HMGCS2: variants seen among roughly 807,000 people sequenced by gnomAD.
HMGCS2 encodes hydroxymethylglutaryl-CoA synthase, mitochondrial.
In HMGCS2, 50 loss-of-function variants were observed where a neutral mutation model predicts 57.4. The observed-to-expected ratio is 0.87, with a 90% CI of 0.69 to 1.10. The LOEUF (loss-of-function observed/expected upper bound fraction) is 1.10, where lower values mean the gene tolerates loss of function less well. HMGCS2 is among the 50% of genes least tolerant of loss of function. HMGCS2 has a pLI of 0.00. For missense variants in HMGCS2, 627 were observed against 636.5 expected (o/e 0.99, Z 0.16); for synonymous variants, 254 against 245.1 (o/e 1.04, Z -0.34).
chr1:119,764,220 C>A lies in HMGCS2; in HGVS notation c.511G>T (p.Ala171Ser). The change falls in exon 2 of 10, where the codon GCC becomes TCC. Residue 171 changes from alanine to serine, a missense_variant. Physicochemically the swap from Ala to Ser is moderately conservative, Grantham distance 99 (BLOSUM62 1). Coordinates refer to ENST00000369406, the MANE Select transcript of HMGCS2 (RefSeq NM_005518.4). Reference protein sequence around the residue: ...DTTNACYGGTASLFNAANWME... With the variant: ...DTTNACYGGTSSLFNAANWME... ...CAGTTGGCAGCATTGAAGAGGGAGG[C>A]AGTACCACCGTAGCAGGCATTGGTG... 1.2e-6 allele frequency: 2 copies of A among 1,613,952 alleles called. No homozygotes were observed. Among genetic ancestry groups the A allele is most frequent in the Non-Finnish European group, 1.7e-6 (2 of 1,180,042 alleles).
chr1:119,750,587 T>G (rs978640299), intron 9 of HMGCS2, among the ~76,000 whole-genome samples: 5 of 152,204 alleles, frequency 3.3e-5, no homozygotes, highest in African/African-American at 4.8e-5. Context: ...CTGGCCTGGT[T>G]AATGTTCCCA....
chr1:119,757,382 G>A lies in HMGCS2; in HGVS notation c.907C>T (p.Pro303Ser), dbSNP rs1359922140. Residue 303 changes from proline to serine, a missense_variant, in exon 5 of 10, where the codon CCC (proline) becomes TCC (serine). Transcript: ENST00000369406. ...DDLQYMIFHT[P>S]FCKMVQKSLA... ...GACTTCTGGACCATCTTGCAAAAGG[G>A]TGTATGAAAGATCATGTACTGTAAA... 6.2e-7 allele frequency: 1 copy of A among 1,614,066 alleles called. No individual in the cohort carries two copies. Among genetic ancestry groups the A allele is most frequent in the African/African-American group, 1.3e-5 (1 of 74,926 alleles).
At position 119,750,320 on chromosome 1, in the gene HMGCS2, T is replaced by C. The variant is rs587596193; in HGVS notation, c.*5+477A>G. Among the ~76,000 whole-genome samples, 119 of 152,348 alleles carry C rather than the reference T, an allele frequency of 7.8e-4. 1 individual carries two copies. Among genetic ancestry groups the C allele is most frequent in the Non-Finnish European group, 1.4e-3 (98 of 68,032 alleles). The stretch of plus-strand genomic sequence containing the variant: ...TGTTGATCTCATCCCCCTGGAGTAA[T>C]GATTTCTATAGGTTCAGGTTCACAG... On this transcript the variant is annotated intron_variant, in intron 9 of 9. Coordinates refer to ENST00000369406, the MANE Select transcript of HMGCS2 (RefSeq NM_005518.4).
At position 119,768,766 on chromosome 1, in the gene HMGCS2, G is replaced by A. The variant is rs376238143; in HGVS notation, c.79C>T (p.Arg27Cys). Residue 27 changes from arginine to cysteine, a missense_variant, in exon 1 of 10, where the codon CGC becomes TGC. By Grantham distance (180) the Arg-to-Cys change is radical. Transcript: ENST00000369406. ...AVQETSLTPARLLPVAHQRFS... is the reference protein window; with the variant it reads ...AVQETSLTPACLLPVAHQRFS... ...CTTTGGTGGGCTACTGGGAGCAGGC[G>A]AGCAGGTGTGAGGGAGGTTTCCTGC... is the stretch of plus-strand genomic sequence containing the variant. 5.6e-5 allele frequency: 91 copies of A among 1,613,832 alleles called. No homozygotes were observed. Among genetic ancestry groups the A allele is most frequent in the Middle Eastern group, 3.3e-4 (2 of 6,058 alleles).
intron 6 of HMGCS2, among the ~76,000 whole-genome samples, chr1:119,754,004 G>C (rs1652749370): frequency 6.6e-6 from 1 of 151,272 alleles, no homozygotes; most frequent in Non-Finnish European, 1.5e-5. Flanking sequence ...CCCACCTCAG[G>C]ATTCAGGATC....
chr1:119,752,441 G>T, intron 8 of HMGCS2, 108 bp downstream of exon 8: 2 of 1,231,460 alleles, frequency 1.6e-6, no homozygotes, highest in East Asian at 2.4e-5. Context: ...ACCATATCTC[G>T]TAAAAGTCTT....
intron 3 of HMGCS2, chr1:119,759,542 G>A (rs1168069847): frequency 3.4e-6 from 2 of 580,590 alleles, no homozygotes; most frequent in East Asian, 5.9e-5. Context: ...TCAAAGGAAA[G>A]ACTTTCACTT....
chr1:119,764,434 T>C lies in HMGCS2; in HGVS notation c.297A>G (p.Gln99=), dbSNP rs147746231. ...TCAGGCACAGGGAGTTGATGTCCTC[T>C]TGGACTGAGCAGAAGCCCATACGGG... is the stretch of plus-strand genomic sequence containing the variant. The part of the protein sequence containing the change: ...GQTRMGFCSV[Q]EDINSLCLTV... Residue 99 remains glutamine, a synonymous_variant, in exon 2 of 10, where the codon CAA becomes CAG. Coordinates refer to ENST00000369406, the MANE Select transcript of HMGCS2 (RefSeq NM_005518.4). The C allele has an allele frequency of 2.5e-6, 4 of 1,614,168 alleles. No individual in the cohort carries two copies. The African/African-American group carries it at 5.3e-5, about 22-fold the overall frequency.
rs1159599280 is a variant in HMGCS2, at chr1:119,755,194, G to T, written c.1187+233C>A. ...ACCATGCTCAGCTAATTTTTGTAGA[G>T]ATGAGGTTTCACCACGTTGCCCAGG... is the stretch of plus-strand genomic sequence containing the variant. On this transcript the variant is annotated intron_variant, in intron 6 of 9. Coordinates refer to ENST00000369406, the MANE Select transcript of HMGCS2 (RefSeq NM_005518.4). 2.0e-5 allele frequency among the ~76,000 whole-genome samples: 3 copies of T among 152,068 alleles called. No individual in the cohort carries two copies. The East Asian group carries it at 5.8e-4, about 29-fold the overall frequency.
chr1:119,754,489 C>T (rs1652769008), intron 6 of HMGCS2, among the ~76,000 whole-genome samples: 1 of 152,216 alleles, frequency 6.6e-6, no homozygotes, highest in African/African-American at 2.4e-5. Flanking sequence ...GCATGAGCCA[C>T]TTCATGAGCC....
At chr1:119,767,724 T>C (rs1485433633) in intron 1 of HMGCS2, among the ~76,000 whole-genome samples, 1 of 152,196 alleles carries the variant, frequency 6.6e-6, no homozygotes, top group Non-Finnish European at 1.5e-5. Context: ...GTCAGAATGT[T>C]GGGGAGGATT....
chr1:119,759,417 C>T, intron 3 of HMGCS2, 135 bp from the exon 4 acceptor site: 3 of 829,056 alleles, frequency 3.6e-6, no homozygotes, highest in Non-Finnish European at 6.0e-6. Flanking sequence ...CATTCAACAT[C>T]CCTTGCATAT....
intron 9 of HMGCS2, among the ~76,000 whole-genome samples, chr1:119,750,077 G>A (rs12119776): frequency 0.089 from 13,459 of 151,992 alleles, 835 homozygotes; most frequent in Middle Eastern, 0.2. Flanking sequence ...TTGTGTCCAC[G>A]AATTTCCTGA....
At chr1:119,766,950 T>C (rs1353752126) in intron 1 of HMGCS2, among the ~76,000 whole-genome samples, 2 of 152,246 alleles carry the variant, frequency 1.3e-5, no homozygotes, top group Non-Finnish European at 2.9e-5. Flanking sequence ...CTCTAAAGAA[T>C]GATCACTTTG....
At chr1:119,749,171 CATT>C (rs1178162334) in intron 9 of HMGCS2, among the ~76,000 whole-genome samples, 1 of 152,198 alleles carries the variant, frequency 6.6e-6, no homozygotes, top group Non-Finnish European at 1.5e-5. Flanking sequence ...GCTAAAATCT[CATT>C]GTTGGAAGTT....
chr1:119,754,027 G>C (rs1435715601), intron 6 of HMGCS2, among the ~76,000 whole-genome samples: 1 of 151,032 alleles, frequency 6.6e-6, no homozygotes, highest in Non-Finnish European at 1.5e-5. Context: ...GAGTAGCTGG[G>C]ACTACAGGTG....
At chr1:119,766,876 A>C (rs1486624085) in intron 1 of HMGCS2, among the ~76,000 whole-genome samples, 1 of 151,990 alleles carries the variant, frequency 6.6e-6, no homozygotes, top group African/African-American at 2.4e-5. Context: ...GAAAATTAAC[A>C]CGGAGAGGCT....
chr1:119,750,753 G>GT (rs752840831), intron 9 of HMGCS2, 44 bp downstream of exon 9: 66 of 1,228,102 alleles, frequency 5.4e-5, no homozygotes, highest in Non-Finnish European at 7.7e-5. Flanking sequence ...CTCAGAGGAA[G>GT]ACATTAGGGT....
In HMGCS2 at chr1:119,753,413, ACACAC is replaced by A. The variant is rs752547595; in HGVS notation, c.1188-32_1188-28del. The A allele has an allele frequency of 2.0e-4, 58 of 291,746 alleles. No homozygotes were observed. In the African/African-American group the frequency reaches 2.3e-3, roughly 12 times the overall value. 18.1% of individuals were successfully genotyped at this position (291,746 alleles called of 1,614,324 possible). On this transcript the variant is annotated intron_variant, in intron 6 of 9. Coordinates refer to ENST00000369406, the MANE Select transcript of HMGCS2 (RefSeq NM_005518.4). The stretch of plus-strand genomic sequence containing the variant: ...TGTGGGGAAAGAAATCAAATAAAAC[ACACAC>A]ACACACACACACACACACACACACA...
Sources: allele counts gnomAD v4.1 joint callset (sites outside exome capture counted in the v4.1 genomes callset), GRCh38; gene constraint gnomAD v4.1.1; transcripts MANE v1.5; gene names NCBI Gene and HGNC (gene_info 2026-07-23, HGNC 2026-07-21).